Variants in TRPM4 observed in about 807,000 individuals in gnomAD.
TRPM4 encodes calcium-activated non-selective cation channel 1.
A neutral mutation model predicts 135.6 loss-of-function variants in TRPM4; 124 were observed. The observed-to-expected ratio is 0.91, with a 90% CI of 0.79 to 1.06. The LOEUF (loss-of-function observed/expected upper bound fraction) is 1.06, where lower values mean the gene tolerates loss of function less well. TRPM4 is among the 50% of genes least tolerant of loss of function. The pLI is 0.00. For missense variants in TRPM4, 1,658 were observed against 1,671.4 expected (o/e 0.99, Z 0.14); for synonymous variants, 745 against 705.6 (o/e 1.06, Z -0.88).
intron 17 of TRPM4, among the ~76,000 whole-genome samples, chr19:49,197,362 T>TTCTC (rs1555761733): frequency 5.5e-5 from 5 of 90,598 alleles, no homozygotes; most frequent in Admixed American, 1.1e-4. Flanking sequence ...CTTTCTTTCT[T>TTCTC]TCTCTCTCTT....
rs765443118 is a variant in TRPM4, at chr19:49,168,064, C to T, written c.415C>T (p.Arg139Cys). 7.5e-6 allele frequency: 12 copies of T among 1,609,958 alleles called. No homozygotes were observed. The Admixed American group carries it at 1.0e-4, about 13-fold the overall frequency. ...VLQTWLQDLL[R>C]RGLVRAAQST... ...CCAGACCTGGCTGCAGGACCTGCTG[C>T]GTCGTGGGCTGGTGCGGGCTGCCCA... The change falls in exon 4 of 25, where the codon CGT (arginine) becomes TGT (cysteine). Residue 139 changes from arginine to cysteine, a missense_variant. Transcript: ENST00000252826.
At chr19:49,158,289 GAGGGT>G in intron 2 of TRPM4, 30 bp downstream of exon 2, 1 of 1,607,396 alleles carries the variant, frequency 6.2e-7, no homozygotes. Context: ...ACTGACCCCA[GAGGGT>G]CCGCGGCCCG....
At chr19:49,160,900 G>C (rs887025885) in intron 2 of TRPM4, among the ~76,000 whole-genome samples, 3 of 152,072 alleles carry the variant, frequency 2.0e-5, no homozygotes, top group African/African-American at 7.2e-5. Flanking sequence ...GGCAGAGCTT[G>C]GGGCTTGATG....
At position 49,182,801 on chromosome 19, in the gene TRPM4, C is replaced by G. The variant is rs756288554; in HGVS notation, c.1487C>G (p.Ala496Gly). The change falls in exon 11 of 25, where the codon GCG becomes GGG. Residue 496 changes from alanine to glycine, a missense_variant. Physicochemically the swap from Ala to Gly is moderately conservative, Grantham distance 60. This residue lies in a region of TRPM4 where 1,412 missense variants were observed against 1,408.7 expected (regional missense o/e 1.00). Transcript: ENST00000252826. ...GCCCCAGCCCTAAAAGGGGGAGCTG[C>G]GGAGCTCCGGCCCCCTGACGTGGGG... ...TKAPALKGGAAELRPPDVGHV... is the reference protein window; with the variant it reads ...TKAPALKGGAGELRPPDVGHV... The G allele has an allele frequency of 1.0e-5, 16 of 1,577,434 alleles. No individual in the cohort carries two copies. The highest frequency in any genetic ancestry group is 1.3e-5 in the Non-Finnish European group (15 of 1,148,758).
At chr19:49,164,617 G>A (rs557380165) in intron 2 of TRPM4, among the ~76,000 whole-genome samples, 96 of 151,600 alleles carry the variant, frequency 6.3e-4, no homozygotes, top group African/African-American at 2.3e-3. Context: ...CTTGACCTCA[G>A]ATGATCCACC....
At chr19:49,207,453 G>A (rs1255588496) in intron 20 of TRPM4, among the ~76,000 whole-genome samples, 2 of 151,722 alleles carry the variant, frequency 1.3e-5, no homozygotes, top group Admixed American at 6.6e-5. Context: ...AACATAGTGA[G>A]ACCTTATCTC....
In TRPM4 at chr19:49,202,153, C is replaced by A; in HGVS notation, c.3131+12C>A. ...ATTGCCATGTTCAGGTGAGGCCTGA[C>A]TGCTCTCTGATCTGACCCCACCCAG... On this transcript the variant is annotated intron_variant, in intron 20 of 24. Transcript: ENST00000252826. 1 of 1,613,814 alleles carries A rather than the reference C, an allele frequency of 6.2e-7. No homozygotes were observed.
chr19:49,163,336 C>T (rs546266314), intron 2 of TRPM4, among the ~76,000 whole-genome samples: 1 of 152,034 alleles, frequency 6.6e-6, no homozygotes, highest in African/African-American at 2.4e-5. Flanking sequence ...GCTGGGACTA[C>T]AGGCGCGTAC....
rs899405842 is a variant in TRPM4, at chr19:49,210,028, C to A, written c.3132-181C>A. Among the ~76,000 whole-genome samples, 4 of 152,178 alleles carry A rather than the reference C, an allele frequency of 2.6e-5. No individual in the cohort carries two copies. Among genetic ancestry groups the A allele is most frequent in the Non-Finnish European group, 1.5e-5 (1 of 68,038 alleles). ...CCTCCCAAAGTGCTGGGACTACAGG[C>A]GTGACCAAACGCCCTTGGCTCTAAC... On this transcript the variant is annotated intron_variant, in intron 20 of 24. Transcript: ENST00000252826. This position sits in a 1 kb window ranked among gnomAD's most constrained non-coding sequence, Gnocchi z 4.1.
intron 3 of TRPM4, among the ~76,000 whole-genome samples, chr19:49,167,181 GTCTCTGGGTCTCTGTCCCTCTC>G (rs1287953542): frequency 0.05 from 2,450 of 49,008 alleles, 23 homozygotes; most frequent in Middle Eastern, 0.067. Context: ...TCTGTCCCAT[GTCTCTGGGTCTCTGTCCCTCTC>G]TCTCTGGGTC....
Position 49,211,305 on chromosome 19 carries a change from TCTG to T in TRPM4, c.3640+37_3640+39del. 6.3e-7 allele frequency: 1 copy of T among 1,576,644 alleles called. No individual in the cohort carries two copies. The highest frequency in any genetic ancestry group is 8.6e-7 in the Non-Finnish European group (1 of 1,159,716). ...AGCATCAGCCTGTGCATCTCCAGCC[TCTG>T]TTCCTGTATTTTTGCGTGTTTTTCT... is the stretch of plus-strand genomic sequence containing the variant. On this transcript the variant is annotated intron_variant, in intron 24 of 24. Transcript: ENST00000252826. The surrounding 1 kb of genome is among the most constrained non-coding windows in gnomAD (Gnocchi z 4.8).
chr19:49,203,103 G>A lies in TRPM4; in HGVS notation c.3131+962G>A, dbSNP rs140161434. Reference sequence around the variant, plus strand: ...AGACGGAGTTTCACCGTGTTAACCCGGATGGTCTCAATCTCCTGACCTCGT... The same window carrying A: ...AGACGGAGTTTCACCGTGTTAACCCAGATGGTCTCAATCTCCTGACCTCGT... On this transcript the variant is annotated intron_variant, in intron 20 of 24. Coordinates refer to ENST00000252826, the MANE Select transcript of TRPM4 (RefSeq NM_017636.4). Among the ~76,000 whole-genome samples the A allele has an allele frequency of 7.1e-3, 1,063 of 150,650 alleles. 15 individuals are homozygous for A. The highest frequency in any genetic ancestry group is 0.024 in the African/African-American group (994 of 40,988).
chr19:49,197,473 C>CTCCCTCCT (rs146216485), intron 17 of TRPM4, among the ~76,000 whole-genome samples: 11 of 114,932 alleles, frequency 9.6e-5, no homozygotes, highest in East Asian at 2.5e-4. Flanking sequence ...GCCTCCCTCC[C>CTCCCTCCT]TCCTTCCTTC....
At chr19:49,164,727 T>C (rs926307449) in intron 2 of TRPM4, among the ~76,000 whole-genome samples, 3 of 146,008 alleles carry the variant, frequency 2.1e-5, no homozygotes, top group African/African-American at 5.1e-5. Flanking sequence ...TGCTTGCTTT[T>C]CTTTCCTTCT....
At chr19:49,209,441 G>A (rs1298202474) in intron 20 of TRPM4, among the ~76,000 whole-genome samples, 1 of 152,052 alleles carries the variant, frequency 6.6e-6, no homozygotes, top group Non-Finnish European at 1.5e-5. Context: ...AATCTCTTAT[G>A]ATAATTCTAC....
intron 2 of TRPM4, among the ~76,000 whole-genome samples, chr19:49,161,426 G>A (rs573428631): frequency 4.1e-5 from 6 of 146,684 alleles, no homozygotes; most frequent in Non-Finnish European, 4.5e-5. Flanking sequence ...GGGCTCAAGC[G>A]ATCCTCCCAC....
At chr19:49,197,122 T>C (rs1968686242) in intron 17 of TRPM4, among the ~76,000 whole-genome samples, 1 of 152,170 alleles carries the variant, frequency 6.6e-6, no homozygotes, top group Non-Finnish European at 1.5e-5. Context: ...ACTCAGCCTC[T>C]GCTGCTATTT....
At chr19:49,169,820 A>C (rs192682125) in intron 6 of TRPM4, among the ~76,000 whole-genome samples, 393 of 152,120 alleles carry the variant, frequency 2.6e-3, no homozygotes, top group African/African-American at 9.0e-3. Flanking sequence ...AGCCTCCCAA[A>C]GTGCTGGGAT....
In TRPM4 at chr19:49,211,212, C is replaced by A. The variant is rs1408610953; in HGVS notation, c.3583C>A (p.Arg1195Ser). ...GGGGTGGGTGGCCGAGGCCCTGAGC[C>A]GCTCTGCCTTGCTGCCCCCAGGTGG... Reference protein sequence around the residue: ...VLGWVAEALSRSALLPPGGPP... With the variant: ...VLGWVAEALSSSALLPPGGPP... Residue 1195 changes from arginine to serine, a missense_variant, in exon 24 of 25, where the codon CGC becomes AGC. Physicochemically the swap from Arg to Ser is moderately radical, Grantham distance 110 (BLOSUM62 -1). Around this residue, in one of 3 missense-constraint regions of TRPM4, gnomAD observed 1,412 missense variants for 1,408.7 expected, o/e 1.00. Transcript: ENST00000252826. The surrounding 1 kb of genome is among the most constrained non-coding windows in gnomAD (Gnocchi z 4.8). 6.2e-7 allele frequency: 1 copy of A among 1,600,012 alleles called. No homozygotes were observed. Among genetic ancestry groups the A allele is most frequent in the African/African-American group, 1.3e-5 (1 of 74,896 alleles).
Sources: gnomAD v4.1 joint callset for allele counts (sites outside exome capture counted in the v4.1 genomes callset) on GRCh38, gnomAD v4.1.1 for gene constraint, gnomAD v4.1.1 regional missense constraint, Gnocchi (gnomAD v3.1) non-coding constraint, MANE v1.5 for transcripts, NCBI Gene and HGNC (gene_info 2026-07-23, HGNC 2026-07-21) for gene names.